Variants in USP34 observed in about 807,000 individuals in gnomAD.
USP34 encodes ubiquitin specific peptidase 34.
USP34 carries 70 observed loss-of-function variants against 460.3 expected under a neutral mutation model. That is an observed-to-expected ratio of 0.15 (90% confidence interval 0.13 to 0.19). The LOEUF (loss-of-function observed/expected upper bound fraction) is 0.19. USP34 is among the 10% of genes least tolerant of loss of function. The pLI is 1.00. For missense variants in USP34, 3,985 were observed against 4,236.2 expected (o/e 0.94, Z 1.65); for synonymous variants, 1,647 against 1,405.3 (o/e 1.17, Z -3.85).
intron 21 of USP34, among the ~76,000 whole-genome samples, chr2:61,324,074 T>C (rs1691011260): frequency 1.3e-5 from 2 of 152,164 alleles, no homozygotes; most frequent in African/African-American, 4.8e-5. Context: ...AGGCTGACAA[T>C]ATATTAACCA....
chr2:61,349,355 T>C (rs1691871625), intron 12 of USP34, 70 bp from the exon 13 acceptor site: 9 of 1,487,492 alleles, frequency 6.1e-6, no homozygotes, highest in African/African-American at 2.8e-5. Context: ...AGCGTATCAG[T>C]TGTTCATATT....
At chr2:61,247,283 T>C (rs1688442194) in intron 49 of USP34, among the ~76,000 whole-genome samples, 1 of 152,140 alleles carries the variant, frequency 6.6e-6, no homozygotes, top group Non-Finnish European at 1.5e-5. Context: ...GACTTGAGGG[T>C]ACAGTCTGAA....
Position 61,339,489 on chromosome 2 carries a change from T to C in USP34, c.2617-11A>G, listed in dbSNP as rs148311876. On this transcript the variant is annotated splice_polypyrimidine_tract_variant and intron_variant, in intron 17 of 79. Transcript: ENST00000398571. ...TTCAGAAAGATTAACCTATAAAAAA[T>C]GTATATAAAATTACTATTTATCCTA... 2,167 of 1,563,188 alleles carry C rather than the reference T, an allele frequency of 1.4e-3. 35 individuals carry two copies. The Admixed American group carries it at 0.023, about 16-fold the overall frequency.
At chr2:61,241,413 G>C (rs1042621402) in intron 53 of USP34, 147 bp downstream of exon 53, 6 of 549,922 alleles carry the variant, frequency 1.1e-5, no homozygotes, top group Non-Finnish European at 1.9e-5. Flanking sequence ...TCTTATATCA[G>C]TATTACCAAG....
At chr2:61,297,725 C>T (rs1028696466) in intron 29 of USP34, among the ~76,000 whole-genome samples, 2 of 152,108 alleles carry the variant, frequency 1.3e-5, no homozygotes, top group Admixed American at 1.3e-4. Flanking sequence ...AAACATGGTG[C>T]ACTTTGGTGG....
chr2:61,220,180 A>G, intron 67 of USP34, 130 bp downstream of exon 67: 4 of 493,564 alleles, frequency 8.1e-6, no homozygotes, highest in South Asian at 1.4e-4. Context: ...AAAAAAAAAA[A>G]AAGGAAATAA....
At chr2:61,195,992 C>T (rs976235292) in intron 75 of USP34, among the ~76,000 whole-genome samples, 14 of 151,566 alleles carry the variant, frequency 9.2e-5, no homozygotes, top group East Asian at 2.0e-4. Flanking sequence ...CTGCAACCTC[C>T]GCCTCCTGGG....
chr2:61,280,556 T>C (rs1178275281), intron 38 of USP34, among the ~76,000 whole-genome samples: 4 of 151,908 alleles, frequency 2.6e-5, no homozygotes, highest in Non-Finnish European at 2.9e-5. Context: ...TTTAGGAAAA[T>C]ATTAGTCTCA....
chr2:61,236,087 T>C lies in USP34; in HGVS notation c.6919-14A>G. On this transcript the variant is annotated splice_polypyrimidine_tract_variant and intron_variant, in intron 55 of 79. Transcript: ENST00000398571. ...GGAAGTGCTTAACTGTAAGAAAAGA[T>C]AAAGCAAAAAAGCTTCAATCATTTT... 4.4e-6 allele frequency: 7 copies of C among 1,598,092 alleles called. No homozygotes were observed. The South Asian group carries it at 8.0e-5, about 18-fold the overall frequency.
rs1689982558 is a variant in USP34, at chr2:61,295,023, T to C, written c.4387A>G (p.Ser1463Gly). ...TCATCTGAATCTGGATAAAGATCAC[T>C]GTAACTTCCCTATGAGAAAGGCAAA... ...RIRRESTGSY[S>G]DLYPDSDDSS... Residue 1463 changes from serine to glycine, a missense_variant, in exon 32 of 80, where the codon AGT becomes GGT. By Grantham distance (56) the Ser-to-Gly change is moderately conservative (BLOSUM62 0). Coordinates refer to ENST00000398571, the MANE Select transcript of USP34 (RefSeq NM_014709.4). 1 of 1,611,122 alleles carries C rather than the reference T, an allele frequency of 6.2e-7. No individual in the cohort carries two copies. Among genetic ancestry groups the C allele is most frequent in the Non-Finnish European group, 8.5e-7 (1 of 1,179,250 alleles).
chr2:61,211,954 G>C, intron 68 of USP34, 25 bp from the exon 69 acceptor site: 2 of 1,590,226 alleles, frequency 1.3e-6, no homozygotes, highest in Non-Finnish European at 1.7e-6. Context: ...TAAGCCATAT[G>C]ATCTTTTAAC....
chr2:61,293,076 T>G (rs1243617279), intron 33 of USP34, among the ~76,000 whole-genome samples: 2 of 152,128 alleles, frequency 1.3e-5, no homozygotes, highest in Non-Finnish European at 1.5e-5. Context: ...ACGTTTTTAA[T>G]TATTACTACT....
At chr2:61,304,088 G>A (rs993766611) in intron 27 of USP34, among the ~76,000 whole-genome samples, 1 of 151,996 alleles carries the variant, frequency 6.6e-6, no homozygotes, top group African/African-American at 2.4e-5. Context: ...AGTAGAGACA[G>A]GGTTTCGTCA....
intron 19 of USP34, among the ~76,000 whole-genome samples, chr2:61,331,770 T>G (rs1691274853): frequency 1.3e-5 from 2 of 149,852 alleles, no homozygotes. Flanking sequence ...TTTGCTTATA[T>G]TTTTGAACAA....
chr2:61,309,559 C>A (rs926320079), intron 27 of USP34, among the ~76,000 whole-genome samples: 5 of 152,092 alleles, frequency 3.3e-5, no homozygotes, highest in African/African-American at 1.2e-4. Context: ...GAATGGACGA[C>A]GAATCTGGCC....
intron 1 of USP34, among the ~76,000 whole-genome samples, chr2:61,437,681 G>A (rs1322167945): frequency 2.0e-5 from 3 of 152,000 alleles, no homozygotes; most frequent in African/African-American, 7.2e-5. Flanking sequence ...GCTGAGGCAG[G>A]AGAATGGCTT....
chr2:61,344,004 C>T lies in USP34; in HGVS notation c.2311G>A (p.Ala771Thr), dbSNP rs2103766164. Residue 771 changes from alanine to threonine, a missense_variant, in exon 16 of 80, where the codon GCA (alanine) becomes ACA (threonine). Ala to Thr is a moderately conservative substitution (Grantham distance 58, BLOSUM62 0). Transcript: ENST00000398571. Reference sequence around the variant, plus strand: ...GAGCTACTACAACTGACATCATCTGCACTTAGCATATCATCAACCATATGC... The same window carrying T: ...GAGCTACTACAACTGACATCATCTGTACTTAGCATATCATCAACCATATGC... ...DGHMVDDMLSADDVSCSSSQV... is the reference protein window; with the variant it reads ...DGHMVDDMLSTDDVSCSSSQV... 1.2e-6 allele frequency: 2 copies of T among 1,613,820 alleles called. No individual in the cohort carries two copies. Among genetic ancestry groups the T allele is most frequent in the African/African-American group, 1.3e-5 (1 of 75,002 alleles).
intron 1 of USP34, among the ~76,000 whole-genome samples, chr2:61,434,140 T>C (rs909661195): frequency 6.6e-6 from 1 of 152,136 alleles, no homozygotes; most frequent in Non-Finnish European, 1.5e-5. Flanking sequence ...CCATGCACCC[T>C]TACTCAGTGC....
intron 2 of USP34, among the ~76,000 whole-genome samples, chr2:61,418,924 T>C (rs1694277885): frequency 6.6e-6 from 1 of 152,248 alleles, no homozygotes; most frequent in South Asian, 2.1e-4. Flanking sequence ...TACTTTAGCT[T>C]ACATCTTTTA....
Sources: gnomAD v4.1 joint callset for allele counts (sites outside exome capture counted in the v4.1 genomes callset) on GRCh38, gnomAD v4.1.1 for gene constraint, MANE v1.5 for transcripts, NCBI Gene and HGNC (gene_info 2026-07-23, HGNC 2026-07-21) for gene names.